RALGAPA1: variants seen among roughly 807,000 people sequenced by gnomAD.
The protein encoded by RALGAPA1 is ral GTPase-activating protein subunit alpha-1.
In RALGAPA1, 52 loss-of-function variants were observed where a neutral mutation model predicts 269.6. The observed-to-expected ratio is 0.19, with a 90% CI of 0.15 to 0.24. The LOEUF (loss-of-function observed/expected upper bound fraction) is 0.24, where lower values mean the gene tolerates loss of function less well. Ranked by LOEUF, RALGAPA1 falls within the 10% of genes least tolerant of loss-of-function variation. The pLI, the probability that RALGAPA1 is intolerant of heterozygous loss-of-function variation, is 1.00. For missense variants in RALGAPA1, 1,917 were observed against 3,013.9 expected, an observed-to-expected ratio of 0.64 and a Z score of 8.52; for synonymous variants, 817 against 1,008.3, an observed-to-expected ratio of 0.81 and a Z score of 3.60.
intron 16 of RALGAPA1, among the ~76,000 whole-genome samples, chr14:35,721,044 A>G (rs2069371095): frequency 6.6e-6 from 1 of 152,220 alleles, no homozygotes; most frequent in Admixed American, 6.5e-5. Flanking sequence ...TTTTTCTACT[A>G]TAATTCAGCC....
chr14:35,779,543 A>ATAC (rs1360808439), intron 1 of RALGAPA1, among the ~76,000 whole-genome samples: 1 of 151,132 alleles, frequency 6.6e-6, no homozygotes, highest in Non-Finnish European at 1.5e-5. Flanking sequence ...AATAATAATA[A>ATAC]TAATAATGAA....
chr14:35,626,688 T>C (rs1178611019), intron 34 of RALGAPA1, among the ~76,000 whole-genome samples: 1 of 152,160 alleles, frequency 6.6e-6, no homozygotes, highest in Non-Finnish European at 1.5e-5. Context: ...TTTTGTAACA[T>C]GCATCAGAAA....
intron 1 of RALGAPA1, among the ~76,000 whole-genome samples, chr14:35,793,635 A>C (rs1357706114): frequency 1.2e-4 from 19 of 152,172 alleles, no homozygotes; most frequent in Admixed American, 1.2e-3. Context: ...AATTAAAAAA[A>C]TGTTTTAACC....
chr14:35,597,382 T>C (rs1566782280), intron 36 of RALGAPA1, among the ~76,000 whole-genome samples: 1 of 152,162 alleles, frequency 6.6e-6, no homozygotes, highest in Non-Finnish European at 1.5e-5. Flanking sequence ...TTTGTTTTGT[T>C]TTACTTTAGT....
chr14:35,805,804 C>A (rs188819052), intron 1 of RALGAPA1, among the ~76,000 whole-genome samples: 48 of 151,810 alleles, frequency 3.2e-4, no homozygotes, highest in African/African-American at 1.1e-3. Flanking sequence ...CCTGCCTCAG[C>A]CTCCTGAGTA....
At chr14:35,579,363 G>A (rs930484804) in intron 37 of RALGAPA1, among the ~76,000 whole-genome samples, 9 of 152,128 alleles carry the variant, frequency 5.9e-5, no homozygotes, top group African/African-American at 2.2e-4. Flanking sequence ...GGGCACAGTG[G>A]CTCACGCCTG....
At position 35,738,539 on chromosome 14, in the gene RALGAPA1, G is replaced by T. The variant is rs866418265; in HGVS notation, c.1561C>A (p.Arg521=). 4 of 1,608,218 alleles carry T rather than the reference G, an allele frequency of 2.5e-6. No individual in the cohort carries two copies. Among genetic ancestry groups the T allele is most frequent in the East Asian group, 2.2e-5 (1 of 44,800 alleles). ...ASEEATEQNI[R]AGTQAVLQVF... is the part of the protein sequence containing the mutation. ...TGCAAAACTGCCTGGGTACCAGCTC[G>T]TATGTTTTGTTCTGTGGCTTCTTCA... Residue 521 remains arginine (R), a synonymous_variant, in exon 12 of 42, where the codon CGA becomes AGA. Transcript: ENST00000680220.
At chr14:35,738,725 A>C in intron 11 of RALGAPA1, 75 bp from the exon 12 acceptor site, 1 of 1,252,062 alleles carries the variant, frequency 8.0e-7, no homozygotes, top group South Asian at 1.5e-5. Context: ...TGAAAAGGTA[A>C]ATGAAATTGT....
At chr14:35,623,899 G>A (rs2060812672) in intron 35 of RALGAPA1, among the ~76,000 whole-genome samples, 2 of 152,110 alleles carry the variant, frequency 1.3e-5, no homozygotes, top group African/African-American at 4.8e-5. Flanking sequence ...CTAACATGGT[G>A]AAACCCTGTT....
intron 24 of RALGAPA1, 62 bp downstream of exon 24, chr14:35,674,118 T>C (rs2064740740): frequency 1.5e-6 from 2 of 1,304,188 alleles, no homozygotes; most frequent in Admixed American, 1.9e-5. Context: ...AAAATCTCTA[T>C]AAAAAGTTTA....
chr14:35,768,182 C>G, intron 4 of RALGAPA1, among the ~76,000 whole-genome samples: 1 of 152,168 alleles, frequency 6.6e-6, no homozygotes, highest in Non-Finnish European at 1.5e-5. Context: ...AAGTGATCCT[C>G]CTGCCTCAGC....
chr14:35,708,536 C>T (rs538774210), intron 16 of RALGAPA1, among the ~76,000 whole-genome samples: 10 of 152,092 alleles, frequency 6.6e-5, no homozygotes, highest in Non-Finnish European at 1.3e-4. Flanking sequence ...AAATGCAAAT[C>T]AAAACTACAA....
rs1391127405 is a variant in RALGAPA1 at position 35,664,784 on chromosome 14, T to A, written c.5203-17A>T. ...TCTTGGTGCCTATGTATCACATTTT[T>A]AAAAAGTTTAAAAATATATTGGTGT... On this transcript the variant is annotated splice_polypyrimidine_tract_variant and intron_variant, in intron 26 of 41. Transcript: ENST00000680220. 6 of 1,601,112 alleles carry A rather than the reference T, an allele frequency of 3.7e-6. No homozygotes were observed. Among genetic ancestry groups the A allele is most frequent in the East Asian group, 4.5e-5 (2 of 44,740 alleles).
At chr14:35,611,218 G>A (rs991956895) in intron 35 of RALGAPA1, among the ~76,000 whole-genome samples, 9 of 151,956 alleles carry the variant, frequency 5.9e-5, no homozygotes, top group African/African-American at 1.7e-4. Context: ...GCCTGGGGCC[G>A]GGCATGGTGG....
At chr14:35,543,963 T>C (rs970343864) in intron 41 of RALGAPA1, among the ~76,000 whole-genome samples, 3 of 152,232 alleles carry the variant, frequency 2.0e-5, no homozygotes, top group Middle Eastern at 3.4e-3. Flanking sequence ...TAATTTAAAA[T>C]AGTAGAGAAA....
At chr14:35,748,487 T>C in intron 10 of RALGAPA1, 98 bp downstream of exon 10, 1 of 1,348,844 alleles carries the variant, frequency 7.4e-7, no homozygotes, top group Non-Finnish European at 9.6e-7. Flanking sequence ...CAACTACAAC[T>C]AAAGGTACAC....
Position 35,595,701 on chromosome 14 carries a change from G to C in RALGAPA1, c.7142C>G (p.Thr2381Arg), listed in dbSNP as rs1427651031. The C allele has an allele frequency of 7.4e-6, 12 of 1,612,364 alleles. No individual in the cohort carries two copies. Among genetic ancestry groups the C allele is most frequent in the Non-Finnish European group, 1.7e-6 (2 of 1,178,800 alleles). The change falls in exon 37 of 42, where the codon ACA (threonine) becomes AGA (arginine). Residue 2381 changes from threonine (T) to arginine (R), a missense_variant. Around this residue, in one of 11 missense-constraint regions of RALGAPA1, gnomAD observed 132 missense variants for 271.2 expected, o/e 0.49. Transcript: ENST00000680220. ...GLTTPYFATS[T>R]VEVIFHVSTR... ...TGACACGTGAAATATTACCTCTACTGTAGAGGTAGCAAAATATGGAGTGGT... is the reference window on the plus strand; with the variant it reads ...TGACACGTGAAATATTACCTCTACTCTAGAGGTAGCAAAATATGGAGTGGT...
At chr14:35,551,965 GA>G (rs1439580553) in intron 39 of RALGAPA1, among the ~76,000 whole-genome samples, 9 of 152,148 alleles carry the variant, frequency 5.9e-5, no homozygotes, top group Non-Finnish European at 1.3e-4. Context: ...GAATTTAAAT[GA>G]AAAAACTACA....
chr14:35,753,067 A>G (rs2141273074), intron 7 of RALGAPA1, among the ~76,000 whole-genome samples: 1 of 152,300 alleles, frequency 6.6e-6, no homozygotes, highest in Non-Finnish European at 1.5e-5. Flanking sequence ...CATTAAAATG[A>G]ATGACAGCTC....
Sources: allele counts gnomAD v4.1 joint callset (sites outside exome capture counted in the v4.1 genomes callset), GRCh38; gene constraint gnomAD v4.1.1; regional missense constraint gnomAD v4.1.1; transcripts MANE v1.5; gene names NCBI Gene and HGNC (gene_info 2026-07-23, HGNC 2026-07-21).